BORCS5: variants seen among roughly 807,000 people sequenced by gnomAD.
The protein encoded by BORCS5 is BLOC-1-related complex subunit 5.
BORCS5 carries 17 observed loss-of-function variants against 22.1 expected under a neutral mutation model. The observed-to-expected ratio is 0.77, with a 90% CI of 0.53 to 1.15. The LOEUF (loss-of-function observed/expected upper bound fraction) is 1.15, where lower values mean the gene tolerates loss of function less well. Among genes scored for constraint, BORCS5 ranks in the 50% most tolerant of loss-of-function variants. The pLI, the probability that BORCS5 is intolerant of heterozygous loss-of-function variation, is 0.00. For synonymous variants in BORCS5, 117 were observed against 99.8 expected, an observed-to-expected ratio of 1.17 and a Z score of -1.03; for missense variants, 247 against 253.2, an observed-to-expected ratio of 0.98 and a Z score of 0.17.
In BORCS5 at chr12:12,470,418, G is replaced by A. The variant is rs1320032136; in HGVS notation, c.*4642G>A. Among the ~76,000 whole-genome samples the A allele has an allele frequency of 6.6e-6, 1 of 152,094 alleles. No individual in the cohort carries two copies. Among genetic ancestry groups the A allele is most frequent in the Non-Finnish European group, 1.5e-5 (1 of 68,016 alleles). On this transcript the variant is annotated 3_prime_UTR_variant, in exon 4 of 4. Transcript: ENST00000314565. ...CCCCATCACTCACATCACTGCCTGA[G>A]CTCCACCTCCTGTCAGAACAGACCC...
chr12:12,438,648 C>T (rs1457370938), intron 3 of BORCS5, among the ~76,000 whole-genome samples: 1 of 151,994 alleles, frequency 6.6e-6, no homozygotes, highest in Non-Finnish European at 1.5e-5. Context: ...CTGAAGAAGA[C>T]AGGGTAAAAG....
At chr12:12,411,745 A>G (rs1941740736) in intron 2 of BORCS5, among the ~76,000 whole-genome samples, 1 of 152,174 alleles carries the variant, frequency 6.6e-6, no homozygotes, top group African/African-American at 2.4e-5. Flanking sequence ...AAAAAACATT[A>G]AACGTTTTAT....
Position 12,467,363 on chromosome 12 carries a change from G to C in BORCS5, c.*1587G>C, listed in dbSNP as rs560612947. On this transcript the variant is annotated 3_prime_UTR_variant, in exon 4 of 4. Transcript: ENST00000314565. ...TACAGGTGACACATGAAAGCACAGA[G>C]TGGGTGGCAGTTCAAGCCTGCGAGG... 6.6e-6 allele frequency: 1 copy of C among 152,352 alleles called. No individual in the cohort carries two copies. The highest frequency in any genetic ancestry group is 2.1e-4 in the South Asian group (1 of 4,832). 9.4% of individuals were successfully genotyped at this position (152,352 alleles called of 1,614,324 possible).
At chr12:12,411,684 T>C (rs1941737782) in intron 2 of BORCS5, among the ~76,000 whole-genome samples, 1 of 152,190 alleles carries the variant, frequency 6.6e-6, no homozygotes, top group Non-Finnish European at 1.5e-5. Flanking sequence ...GTTGCCCAAT[T>C]CAGTGTCATG....
intron 2 of BORCS5, among the ~76,000 whole-genome samples, chr12:12,398,650 T>C (rs917482958): frequency 6.6e-6 from 1 of 152,158 alleles, no homozygotes; most frequent in Admixed American, 6.5e-5. Flanking sequence ...GTCTCTGGAA[T>C]ACAGTGCTAT....
At chr12:12,414,710 G>A (rs1171901591) in intron 2 of BORCS5, among the ~76,000 whole-genome samples, 7 of 129,928 alleles carry the variant, frequency 5.4e-5, no homozygotes, top group African/African-American at 1.2e-4. Context: ...CCTCCCTCCC[G>A]GATGGGGTGG....
intron 2 of BORCS5, among the ~76,000 whole-genome samples, chr12:12,425,897 A>T (rs1942274895): frequency 6.6e-6 from 1 of 152,184 alleles, no homozygotes. Flanking sequence ...ATTGACTACT[A>T]CAGTTGGTGA....
At chr12:12,426,891 T>A (rs761713550) in intron 2 of BORCS5, among the ~76,000 whole-genome samples, 8 of 152,160 alleles carry the variant, frequency 5.3e-5, no homozygotes, top group Non-Finnish European at 8.8e-5. Flanking sequence ...GGGAGAAATG[T>A]TTGTATCCTC....
intron 3 of BORCS5, among the ~76,000 whole-genome samples, chr12:12,446,164 C>T (rs746268530): frequency 2.0e-5 from 3 of 151,994 alleles, no homozygotes; most frequent in Non-Finnish European, 4.4e-5. Flanking sequence ...AGACAAGAAT[C>T]CCTCCTTCAG....
At chr12:12,461,790 G>A (rs1388230932) in intron 3 of BORCS5, among the ~76,000 whole-genome samples, 1 of 152,186 alleles carries the variant, frequency 6.6e-6, no homozygotes, top group African/African-American at 2.4e-5. Flanking sequence ...AAGCTGCCAG[G>A]AGAGACTTCT....
chr12:12,423,086 C>T (rs150650880), intron 2 of BORCS5, among the ~76,000 whole-genome samples: 1,546 of 152,104 alleles, frequency 0.01, 35 homozygotes, highest in African/African-American at 0.035. Context: ...ACTGCAAGCT[C>T]CGCCTCCCGG....
At chr12:12,458,164 A>G (rs1943032647) in intron 3 of BORCS5, among the ~76,000 whole-genome samples, 1 of 152,132 alleles carries the variant, frequency 6.6e-6, no homozygotes. Context: ...TCTGTAGTCC[A>G]TCTTGCTTAA....
In BORCS5 at chr12:12,400,236, A is replaced by G. The variant is rs1373294093; in HGVS notation, c.203-35392A>G. Among the ~76,000 whole-genome samples, 5 of 152,126 alleles carry G rather than the reference A, an allele frequency of 3.3e-5. No homozygotes were observed. In the East Asian group the frequency reaches 9.6e-4, roughly 29 times the overall value. The stretch of plus-strand genomic sequence containing the variant: ...CCCTGGCAGCCTTGATTCAGTGAAA[A>G]TCTTGTTTTTATCACAGGCTATTTC... On this transcript the variant is annotated intron_variant, in intron 2 of 3. Coordinates refer to ENST00000314565, the MANE Select transcript of BORCS5 (RefSeq NM_058169.6).
chr12:12,438,374 A>AAAAAAAAAAAAAAAAAAAAAAAAAAC (rs1555156024), intron 3 of BORCS5, among the ~76,000 whole-genome samples: 5 of 125,044 alleles, frequency 4.0e-5, no homozygotes, highest in African/African-American at 1.9e-4. Context: ...AAAAAAAAAA[A>AAAAAAAAAAAAAAAAAAAAAAAAAAC]AAAAAACGAA....
At chr12:12,420,032 A>G (rs1942072881) in intron 2 of BORCS5, among the ~76,000 whole-genome samples, 2 of 152,016 alleles carry the variant, frequency 1.3e-5, no homozygotes, top group Non-Finnish European at 2.9e-5. Flanking sequence ...TTTGCTGTGC[A>G]GAAGCTCTTT....
Position 12,414,005 on chromosome 12 carries a change from G to T in BORCS5, c.203-21623G>T, listed in dbSNP as rs78561784. 8.3e-3 allele frequency among the ~76,000 whole-genome samples: 589 copies of T among 71,380 alleles called. 29 individuals are homozygous for T. Among genetic ancestry groups the T allele is most frequent in the Non-Finnish European group, 0.012 (435 of 35,008 alleles). 46.8% of individuals were successfully genotyped at this position (71,380 alleles called of 152,430 possible). ...GGGGTCCTCACTTCCCAGTAGGGGC[G>T]GCCGGGCAGAGGCCCCCCTCACCTC... On this transcript the variant is annotated intron_variant, in intron 2 of 3. Transcript: ENST00000314565.
At chr12:12,415,554 A>AAGGAGACCGTG (rs1555151606) in intron 2 of BORCS5, among the ~76,000 whole-genome samples, 83 of 3,556 alleles carry the variant, frequency 0.023, no homozygotes, top group African/African-American at 0.07. Context: ...GAGACCGTGG[A>AAGGAGACCGTG]GAGAGGGGGA....
chr12:12,357,430 T>C lies in BORCS5; in HGVS notation c.-22T>C. Reference sequence around the variant, plus strand: ...GTGACCGCCCGGCCCGCCGTTCTTCTGCTGCCACCGCTGTCGGCACCATGG... The same window carrying C: ...GTGACCGCCCGGCCCGCCGTTCTTCCGCTGCCACCGCTGTCGGCACCATGG... On this transcript the variant is annotated 5_prime_UTR_variant, in exon 1 of 4. Transcript: ENST00000314565. 1 of 1,603,886 alleles carries C rather than the reference T, an allele frequency of 6.2e-7. No individual in the cohort carries two copies.
intron 3 of BORCS5, among the ~76,000 whole-genome samples, chr12:12,450,170 A>C (rs918953339): frequency 3.9e-5 from 6 of 152,242 alleles, no homozygotes; most frequent in Admixed American, 6.5e-5. Context: ...CCTTGGAATC[A>C]GGAGATCTGG....
Sources: gnomAD v4.1 joint callset for allele counts (sites outside exome capture counted in the v4.1 genomes callset) on GRCh38, gnomAD v4.1.1 for gene constraint, MANE v1.5 for transcripts, NCBI Gene and HGNC (gene_info 2026-07-23, HGNC 2026-07-21) for gene names.